Variants in MGST2 observed in about 807,000 individuals in gnomAD.
MGST2 encodes the protein glutathione peroxidase MGST2.
Under a neutral mutation model 16.6 loss-of-function variants are expected in MGST2, and 9 were observed. The observed-to-expected ratio is 0.54, with a 90% confidence interval of 0.33 to 0.95. The LOEUF is 0.95. MGST2 is among the 40% of genes least tolerant of loss of function. The pLI is 0.03. For synonymous variants in MGST2, 79 were observed against 68.0 expected (o/e 1.16, Z -0.79); for missense variants, 159 against 175.1 (o/e 0.91, Z 0.52).
intron 5 of MGST2, among the ~76,000 whole-genome samples, chr4:139,728,290 C>T (rs1392766166): frequency 6.6e-6 from 1 of 152,186 alleles, no homozygotes; most frequent in Non-Finnish European, 1.5e-5. Context: ...ACTAAATCTG[C>T]ACCCTCCTCA....
rs192530993 is a variant in MGST2, at chr4:139,693,192, C to T, written c.159-2005C>T. 4.6e-3 allele frequency among the ~76,000 whole-genome samples: 697 copies of T among 151,378 alleles called. 4 individuals are homozygous for T. Among genetic ancestry groups the T allele is most frequent in the African/African-American group, 0.014 (575 of 41,256 alleles). ...CAGCACTTTGGGAGGCCGAGGTGGG[C>T]GGATCACGAGGTCAGGAGATCGAGA... On this transcript the variant is annotated intron_variant, in intron 2 of 4. Transcript: ENST00000265498.
chr4:139,682,138 G>T (rs1264934899), intron 2 of MGST2, among the ~76,000 whole-genome samples: 1 of 151,906 alleles, frequency 6.6e-6, no homozygotes, highest in Non-Finnish European at 1.5e-5. Context: ...CAAGGCTTCA[G>T]TGAGCTATGA....
rs1013301561 is a variant in MGST2, at chr4:139,704,001, A to G, written c.312-15A>G. On this transcript the variant is annotated splice_polypyrimidine_tract_variant and intron_variant, in intron 4 of 4. Transcript: ENST00000265498. ...GTCCAGTTTGTCACTTTTCTCCCTC[A>G]TGTCCACTCTGCAGGATCACCGGTT... is the stretch of plus-strand genomic sequence containing the variant. 13 of 1,613,882 alleles carry G rather than the reference A, an allele frequency of 8.1e-6. No homozygotes were observed. Among genetic ancestry groups the G allele is most frequent in the Non-Finnish European group, 1.0e-5 (12 of 1,179,990 alleles).
chr4:139,712,818 A>G (rs1453213291), intron 5 of MGST2, among the ~76,000 whole-genome samples: 1 of 152,242 alleles, frequency 6.6e-6, no homozygotes, highest in Non-Finnish European at 1.5e-5. Flanking sequence ...CCTTAAAGGA[A>G]AGCACACCAT....
intron 1 of MGST2, among the ~76,000 whole-genome samples, chr4:139,671,414 ACT>A (rs1421696400): frequency 1.3e-5 from 2 of 152,078 alleles, no homozygotes; most frequent in East Asian, 3.9e-4. Context: ...TAAAGTTGAA[ACT>A]CTACAGAAAA....
chr4:139,750,085 T>TCTGAATGGC, the MGST2 span, among the ~76,000 whole-genome samples: 153 of 152,164 alleles, frequency 1.0e-3, no homozygotes, highest in African/African-American at 3.7e-3. Context: ...CACAAGAAAC[T>TCTGAATGGC]CTGAATGGCA....
At chr4:139,709,591 G>T (rs1257843840) in intron 5 of MGST2, among the ~76,000 whole-genome samples, 1 of 152,194 alleles carries the variant, frequency 6.6e-6, no homozygotes, top group Non-Finnish European at 1.5e-5. Context: ...TTATGGCAAA[G>T]TGTTAATGAT....
At chr4:139,714,182 T>A (rs1042435313) in intron 5 of MGST2, among the ~76,000 whole-genome samples, 2 of 152,224 alleles carry the variant, frequency 1.3e-5, no homozygotes, top group Admixed American at 6.5e-5. Flanking sequence ...AAAAGCGGGC[T>A]TACAGGTATT....
chr4:139,739,918 G>C (rs1024890277), intron 5 of MGST2, among the ~76,000 whole-genome samples: 2 of 152,054 alleles, frequency 1.3e-5, no homozygotes, highest in African/African-American at 4.8e-5. Context: ...GAGTTCAAGA[G>C]GGGCCCAGGT....
chr4:139,698,174 T>C (rs982524615), intron 3 of MGST2: 3 of 1,549,648 alleles, frequency 1.9e-6, no homozygotes, highest in African/African-American at 2.7e-5. Context: ...TGCTGTGTGC[T>C]AGCTGGATGT....
chr4:139,676,036 C>A (rs531334784), intron 1 of MGST2, among the ~76,000 whole-genome samples: 9 of 152,248 alleles, frequency 5.9e-5, no homozygotes, highest in Non-Finnish European at 1.2e-4. Context: ...TCATGGCCAC[C>A]AGGTGGTCTT....
At chr4:139,736,113 CAT>C (rs1728933923) in intron 5 of MGST2, among the ~76,000 whole-genome samples, 3 of 152,112 alleles carry the variant, frequency 2.0e-5, no homozygotes, top group Admixed American at 1.3e-4. Flanking sequence ...CACACACACA[CAT>C]ACACACACAC....
chr4:139,696,137 T>A (rs1406936710), intron 3 of MGST2, among the ~76,000 whole-genome samples: 4 of 152,198 alleles, frequency 2.6e-5, no homozygotes, highest in Non-Finnish European at 1.5e-5. Flanking sequence ...TTCATCCTCA[T>A]CATTTTCACG....
chr4:139,747,101 G>A, the MGST2 span, among the ~76,000 whole-genome samples: 1 of 152,358 alleles, frequency 6.6e-6, no homozygotes, highest in South Asian at 2.1e-4. Context: ...CAAAGGGGTT[G>A]AGGATGGAGG....
intron 2 of MGST2, among the ~76,000 whole-genome samples, chr4:139,693,727 G>A (rs984511372): frequency 3.3e-5 from 5 of 152,196 alleles, no homozygotes; most frequent in Admixed American, 3.3e-4. Flanking sequence ...TTGTAGTTAC[G>A]GTTTGCAAGA....
At chr4:139,704,906 A>T (rs542289954), downstream of MGST2, among the ~76,000 whole-genome samples, 7 of 152,148 alleles carry the variant, frequency 4.6e-5, no homozygotes, top group East Asian at 1.4e-3. Flanking sequence ...TGGGTGACAG[A>T]CTCTGTCTCA....
intron 5 of MGST2, chr4:139,719,635 C>A (rs759158839): frequency 6.2e-7 from 1 of 1,612,134 alleles, no homozygotes; most frequent in South Asian, 1.1e-5. Context: ...CTTGCTGCCC[C>A]GGGAGCGATG....
Position 139,678,526 on chromosome 4 carries a change from T to C in MGST2, c.59-17T>C. On this transcript the variant is annotated splice_polypyrimidine_tract_variant and intron_variant, in intron 1 of 4. Transcript: ENST00000265498. ...GACGTGCCCCATCTTTAACGCAACA[T>C]TTCCCTTTACTTGCAGGTTATTTTG... 6.9e-6 allele frequency: 11 copies of C among 1,603,474 alleles called. No individual in the cohort carries two copies. Among genetic ancestry groups the C allele is most frequent in the Non-Finnish European group, 9.4e-6 (11 of 1,170,454 alleles).
At chr4:139,724,001 G>GCAA (rs747452264) in intron 5 of MGST2, among the ~76,000 whole-genome samples, 10 of 152,182 alleles carry the variant, frequency 6.6e-5, no homozygotes, top group Non-Finnish European at 1.2e-4. Context: ...CTCTGTATCT[G>GCAA]CAACAACAAC....
Sources: gnomAD v4.1 joint callset for allele counts (sites outside exome capture counted in the v4.1 genomes callset) on GRCh38, gnomAD v4.1.1 for gene constraint, MANE v1.5 for transcripts, NCBI Gene and HGNC (gene_info 2026-07-23, HGNC 2026-07-21) for gene names.